Variants in YBEY observed in about 807,000 individuals in gnomAD.
YBEY encodes the protein endoribonuclease YbeY.
Under a neutral mutation model 13.5 loss-of-function variants are expected in YBEY, and 15 were observed. The ratio of observed to expected loss-of-function variants is 1.11; its 90% CI spans 0.75 to 1.72. The LOEUF (loss-of-function observed/expected upper bound fraction) is 1.72, where lower values mean the gene tolerates loss of function less well. YBEY is among the 40% of genes most tolerant of loss of function. The pLI is 0.00. For missense variants in YBEY, 244 were observed against 208.4 expected (o/e 1.17, Z -1.05); for synonymous variants, 101 against 83.1 (o/e 1.21, Z -1.17).
chr21:46,313,145 C>A, the YBEY span: 1 of 772,756 alleles, frequency 1.3e-6, no homozygotes, highest in Non-Finnish European at 1.6e-6. Flanking sequence ...TTGAGTTGGC[C>A]ATTGCAGCAT....
At chr21:46,302,553 G>C, downstream of YBEY, 2 of 1,609,606 alleles carry the variant, frequency 1.2e-6, no homozygotes, top group Non-Finnish European at 1.7e-6. Flanking sequence ...TGTGCGTTCT[G>C]CAGCAGCAGC....
At chr21:46,298,434 CT>C (rs557264546), downstream of YBEY, among the ~76,000 whole-genome samples, 69 of 97,094 alleles carry the variant, frequency 7.1e-4, no homozygotes, top group Admixed American at 6.7e-4. Context: ...TTAATCCAAG[CT>C]TTTTTTTTTT....
chr21:46,291,758 A>C (rs1254851444), intron 3 of YBEY: 3 of 1,114,416 alleles, frequency 2.7e-6, no homozygotes, highest in Non-Finnish European at 3.3e-6. Flanking sequence ...GACCTGCTGA[A>C]TCAGCTTCTT....
the YBEY span, among the ~76,000 whole-genome samples, chr21:46,308,242 C>G: frequency 6.6e-6 from 1 of 152,142 alleles, no homozygotes; most frequent in Non-Finnish European, 1.5e-5. Context: ...GGGGGCAGAT[C>G]ACGAGGTCAG....
At chr21:46,302,086 G>A (rs1438492325), downstream of YBEY, 4 of 1,535,694 alleles carry the variant, frequency 2.6e-6, no homozygotes, top group African/African-American at 5.5e-5. Flanking sequence ...GGTGGTGGTG[G>A]TGGTGGTGCA....
chr21:46,286,947 A>G lies in YBEY; in HGVS notation c.34A>G (p.Ile12Val). The change falls in exon 2 of 5, where the codon ATC (isoleucine) becomes GTC (valine). Residue 12 changes from isoleucine (I) to valine (V), a missense_variant. Ile to Val is a conservative substitution (Grantham distance 29). Transcript: ENST00000397701. ...SLVIRNLQRV[I>V]PIRRAPLRSK... is the part of the protein sequence containing the mutation. ...GGTGATTAGAAATCTGCAGCGAGTC[A>G]TCCCCATCAGGAGAGCGCCACTTCG... is the stretch of plus-strand genomic sequence containing the variant. The G allele has an allele frequency of 1.9e-6, 3 of 1,614,062 alleles. No homozygotes were observed. Among genetic ancestry groups the G allele is most frequent in the Non-Finnish European group, 2.5e-6 (3 of 1,179,992 alleles).
Position 46,297,688 on chromosome 21 carries a change from C to G in YBEY, c.*54C>G, listed in dbSNP as rs2081999331. On this transcript the variant is annotated 3_prime_UTR_variant, in exon 5 of 5. Transcript: ENST00000397701. ...CGGGAGGGGTGGAGGCTGCGGGGAG[C>G]CGGGGTCGCACACGAATAAATAACG... 1 of 1,271,738 alleles carries G rather than the reference C, an allele frequency of 7.9e-7. No homozygotes were observed. The highest frequency in any genetic ancestry group is 1.0e-6 in the Non-Finnish European group (1 of 998,454). 78.8% of individuals were successfully genotyped at this position (1,271,738 alleles called of 1,614,324 possible).
chr21:46,306,906 T>A, the YBEY span, among the ~76,000 whole-genome samples: 1 of 147,934 alleles, frequency 6.8e-6, no homozygotes, highest in Non-Finnish European at 1.5e-5. Context: ...TTTTTATTTA[T>A]TTTTTTTAAG....
Position 46,297,626 on chromosome 21 carries a change from G to C in YBEY, c.496G>C (p.Gly166Arg), listed in dbSNP as rs1458699230. ...LQPLTRGLFG[G>R]S is the part of the protein sequence containing the mutation. ...GCCCCTGACCCGGGGCCTCTTCGGA[G>C]GGAGCTGAGGGCCGCGTTCCTTCTG... is the stretch of plus-strand genomic sequence containing the variant. The change falls in exon 5 of 5, where the codon GGG (glycine) becomes CGG (arginine). Residue 166 changes from glycine (G) to arginine (R), a missense_variant. Gly to Arg is a moderately radical substitution (Grantham distance 125, BLOSUM62 -2). Transcript: ENST00000397701. 1 of 1,322,584 alleles carries C rather than the reference G, an allele frequency of 7.6e-7. No individual in the cohort carries two copies. The highest frequency in any genetic ancestry group is 1.5e-5 in the African/African-American group (1 of 65,382). 81.9% of individuals were successfully genotyped at this position (1,322,584 alleles called of 1,614,324 possible).
downstream of YBEY, chr21:46,297,840 C>T (rs1461491345): frequency 2.1e-5 from 24 of 1,150,508 alleles, no homozygotes; most frequent in Non-Finnish European, 2.6e-5. Flanking sequence ...GAACGCGTGG[C>T]CCCCGCCCGG....
chr21:46,310,819 C>A, the YBEY span, among the ~76,000 whole-genome samples: 14 of 150,976 alleles, frequency 9.3e-5, no homozygotes, highest in African/African-American at 1.5e-4. Context: ...CTCTCTCTCT[C>A]TAAATAAATA....
chr21:46,289,495 G>GGGT (rs569005429), intron 2 of YBEY, among the ~76,000 whole-genome samples: 4 of 147,674 alleles, frequency 2.7e-5, no homozygotes, highest in Non-Finnish European at 5.9e-5. Context: ...ACCCAGGCTG[G>GGGT]AGTGCAATGG....
intron 2 of YBEY, 46 bp downstream of exon 2, chr21:46,287,169 G>T: frequency 6.6e-7 from 1 of 1,517,168 alleles, no homozygotes. Context: ...TCTTCCCAGA[G>T]TAAATTTCCT....
At chr21:46,303,752 T>TA in the YBEY span, among the ~76,000 whole-genome samples, 1 of 27,666 alleles carries the variant, frequency 3.6e-5, no homozygotes, top group Non-Finnish European at 8.0e-5. Flanking sequence ...TATATTTTTT[T>TA]TTTTTTTTTT....
chr21:46,295,439 AC>A (rs1569103296), intron 3 of YBEY, among the ~76,000 whole-genome samples: 1 of 150,476 alleles, frequency 6.6e-6, no homozygotes, highest in Non-Finnish European at 1.5e-5. Context: ...GGCTCCATAA[AC>A]CCCCTTGGTG....
the YBEY span, among the ~76,000 whole-genome samples, chr21:46,312,711 G>C: frequency 6.6e-6 from 1 of 152,230 alleles, no homozygotes; most frequent in Admixed American, 6.5e-5. Flanking sequence ...TAGAGATGCA[G>C]TGGTGGCTCA....
At chr21:46,291,059 C>T (rs1008395512) in intron 2 of YBEY, among the ~76,000 whole-genome samples, 5 of 148,596 alleles carry the variant, frequency 3.4e-5, no homozygotes, top group Non-Finnish European at 5.9e-5. Flanking sequence ...TAGCTGGGCA[C>T]GGTGGCATGC....
the YBEY span, among the ~76,000 whole-genome samples, chr21:46,303,391 G>C: frequency 1.3e-5 from 2 of 151,764 alleles, no homozygotes; most frequent in Non-Finnish European, 2.9e-5. Context: ...CATGAAGAGA[G>C]TGAAAAGGCA....
At chr21:46,289,813 A>G (rs1336133959) in intron 2 of YBEY, among the ~76,000 whole-genome samples, 5 of 152,216 alleles carry the variant, frequency 3.3e-5, no homozygotes, top group Admixed American at 6.5e-5. Flanking sequence ...CCTTGGTTGC[A>G]AAGATCAATA....
Sources: allele counts gnomAD v4.1 joint callset (sites outside exome capture counted in the v4.1 genomes callset), GRCh38; gene constraint gnomAD v4.1.1; transcripts MANE v1.5; gene names NCBI Gene and HGNC (gene_info 2026-07-23, HGNC 2026-07-21).